TOR1AIP2: variants seen among roughly 807,000 people sequenced by gnomAD.
TOR1AIP2 encodes torsin 1A interacting protein 2.
A neutral mutation model predicts 32.6 loss-of-function variants in TOR1AIP2; 20 were observed. That is an observed-to-expected ratio of 0.61 (90% confidence interval 0.43 to 0.89). TOR1AIP2 has a LOEUF of 0.89. Ranked by LOEUF, TOR1AIP2 falls within the 40% of genes least tolerant of loss-of-function variation. TOR1AIP2 has a pLI of 0.00. For synonymous variants in TOR1AIP2, 214 were observed against 210.8 expected (o/e 1.02, Z -0.13); for missense variants, 456 against 553.8 (o/e 0.82, Z 1.77).
intron 5 of TOR1AIP2, among the ~76,000 whole-genome samples, chr1:179,849,253 T>A (rs1696031071): frequency 6.7e-6 from 1 of 148,664 alleles, no homozygotes; most frequent in Non-Finnish European, 1.5e-5. Flanking sequence ...ATAAACTGCA[T>A]TTTTTTTTTT....
At chr1:179,875,422 A>G (rs1313812455) in intron 2 of TOR1AIP2, 1 of 152,230 alleles carries the variant, frequency 6.6e-6, no homozygotes, top group Non-Finnish European at 1.5e-5. Flanking sequence ...CAGGGGCACA[A>G]AAGAAGTCCT....
At chr1:179,859,165 T>G in intron 3 of TOR1AIP2, 4 of 985,320 alleles carry the variant, frequency 4.1e-6, no homozygotes, top group Non-Finnish European at 4.8e-6. Context: ...TGAAAACGAG[T>G]AACAAATAAA....
intron 3 of TOR1AIP2, chr1:179,861,653 C>G: frequency 1.0e-6 from 1 of 985,354 alleles, no homozygotes; most frequent in African/African-American, 1.7e-5. Flanking sequence ...AAATTATTAA[C>G]AGTGATCTTC....
chr1:179,877,167 A>C (rs1256458128), intron 2 of TOR1AIP2, 72 bp downstream of exon 2: 1 of 152,162 alleles, frequency 6.6e-6, no homozygotes, highest in Non-Finnish European at 1.5e-5. Context: ...ATTTACTCAC[A>C]TCTTAACCCA....
intron 3 of TOR1AIP2, chr1:179,864,616 C>T (rs2148448006): frequency 7.2e-7 from 1 of 1,392,348 alleles, no homozygotes; most frequent in Admixed American, 3.2e-5. Flanking sequence ...TAACTAAATT[C>T]ATGTGAATAA....
At chr1:179,861,642 T>C (rs1369590574) in intron 3 of TOR1AIP2, 1 of 985,326 alleles carries the variant, frequency 1.0e-6, no homozygotes, top group Non-Finnish European at 1.2e-6. Flanking sequence ...AGTTATGACC[T>C]AAATTATTAA....
intron 2 of TOR1AIP2, chr1:179,875,775 C>G (rs1442957878): frequency 6.6e-6 from 1 of 151,998 alleles, no homozygotes; most frequent in Admixed American, 6.6e-5. Context: ...ACAGCCCACA[C>G]AGTAACAAAA....
In TOR1AIP2 at chr1:179,845,522, C is replaced by A. The variant is rs917966155; in HGVS notation, c.*549G>T. 53 of 152,360 alleles carry A rather than the reference C, an allele frequency of 3.5e-4. No homozygotes were observed. The highest frequency in any genetic ancestry group is 1.3e-3 in the African/African-American group (52 of 41,422). The allele number at this position is 152,360 out of a possible 1,614,324, so 9.4% of individuals were successfully genotyped here. A position where few individuals can be genotyped will look rare whatever the true frequency, so the allele number is the denominator to read the frequency against. ...AGGTAGGTACTTAATGGTTTGAATT[C>A]TTATTTCTTTTATCATACTACTCAA... On this transcript the variant is annotated 3_prime_UTR_variant, in exon 7 of 7. Transcript: ENST00000609928.
At chr1:179,857,832 T>C (rs1696364450) in intron 3 of TOR1AIP2, among the ~76,000 whole-genome samples, 1 of 152,208 alleles carries the variant, frequency 6.6e-6, no homozygotes, top group Non-Finnish European at 1.5e-5. Context: ...TAAAAGTTAC[T>C]ATTTATTGAG....
At chr1:179,871,478 C>G (rs1697009140) in intron 2 of TOR1AIP2, among the ~76,000 whole-genome samples, 1 of 152,140 alleles carries the variant, frequency 6.6e-6, no homozygotes. Flanking sequence ...TTTGCTATTT[C>G]CTGAATGTAT....
rs1288460485 is a variant in TOR1AIP2 at position 179,865,759 on chromosome 1, A to C, written c.-470T>G. The C allele has an allele frequency of 6.5e-6, 1 of 152,846 alleles. No homozygotes were observed. Among genetic ancestry groups the C allele is most frequent in the Non-Finnish European group, 1.5e-5 (1 of 68,196 alleles). The allele number at this position is 152,846 out of a possible 1,614,324, so 9.5% of individuals were successfully genotyped here. On this transcript the variant is annotated 5_prime_UTR_variant, in exon 3 of 7. It adds an upstream start codon to the 5' untranslated region. Coordinates refer to ENST00000609928, the MANE Select transcript of TOR1AIP2 (RefSeq NM_001199260.2). ...GCAGAGTCCTCTTGATCGTGGATCC[A>C]ATGAAGTCTGTCTTGGGAGGACATT... is the stretch of plus-strand genomic sequence containing the variant.
At chr1:179,875,669 G>A (rs1272328330) in intron 2 of TOR1AIP2, 1 of 151,040 alleles carries the variant, frequency 6.6e-6, no homozygotes, top group Non-Finnish European at 1.5e-5. Flanking sequence ...CAGAAATTTC[G>A]ATTACCAAAA....
chr1:179,867,121 A>T (rs900949952), intron 2 of TOR1AIP2, among the ~76,000 whole-genome samples: 2 of 152,226 alleles, frequency 1.3e-5, no homozygotes, highest in Non-Finnish European at 2.9e-5. Flanking sequence ...TCCTTACAGA[A>T]GTAATAGCTG....
In TOR1AIP2 at chr1:179,843,073, A is replaced by T. The variant is rs1695777447; in HGVS notation, c.*2998T>A. 1 of 149,386 alleles carries T rather than the reference A, an allele frequency of 6.7e-6. No homozygotes were observed. Among genetic ancestry groups the T allele is most frequent in the African/African-American group, 2.5e-5 (1 of 40,418 alleles). 9.3% of individuals were successfully genotyped at this position (149,386 alleles called of 1,614,324 possible). A position where few individuals can be genotyped will look rare whatever the true frequency, so the allele number is the denominator to read the frequency against. On this transcript the variant is annotated 3_prime_UTR_variant, in exon 7 of 7. Coordinates refer to ENST00000609928, the MANE Select transcript of TOR1AIP2 (RefSeq NM_001199260.2). Reference sequence around the variant, plus strand: ...CAAAAAAAAAAAAAAAAAAAAAAGTATAGAACAAATAGAAATTAACCTAAT... The same window carrying T: ...CAAAAAAAAAAAAAAAAAAAAAAGTTTAGAACAAATAGAAATTAACCTAAT...
chr1:179,863,439 C>T, intron 3 of TOR1AIP2: 2 of 985,148 alleles, frequency 2.0e-6, no homozygotes, highest in Non-Finnish European at 2.4e-6. Context: ...GCCTTTTGCT[C>T]TCTACTTCCA....
At chr1:179,865,039 A>G in intron 3 of TOR1AIP2, 1 of 1,614,090 alleles carries the variant, frequency 6.2e-7, no homozygotes, top group Non-Finnish European at 8.5e-7. Flanking sequence ...GACAATAATC[A>G]GCTCTGTTAA....
intron 3 of TOR1AIP2, chr1:179,861,370 G>A: frequency 2.0e-6 from 2 of 985,378 alleles, no homozygotes; most frequent in Non-Finnish European, 2.4e-6. Context: ...AAGGTGAAAA[G>A]CTTTGTTCAA....
chr1:179,860,883 G>C, intron 3 of TOR1AIP2: 1 of 985,446 alleles, frequency 1.0e-6, no homozygotes, highest in African/African-American at 1.7e-5. Context: ...AGACAGCTAT[G>C]ACATGTGGAC....
chr1:179,862,157 T>C, intron 3 of TOR1AIP2: 1 of 984,896 alleles, frequency 1.0e-6, no homozygotes, highest in Non-Finnish European at 1.2e-6. Context: ...ATCCTTTTAA[T>C]CTGATCTTAC....
Sources: allele counts gnomAD v4.1 joint callset (sites outside exome capture counted in the v4.1 genomes callset), GRCh38; gene constraint gnomAD v4.1.1; transcripts MANE v1.5; gene names NCBI Gene and HGNC (gene_info 2026-07-23, HGNC 2026-07-21).